The following TBC1D22A variants were observed in gnomAD, a reference collection of about 807,000 sequenced individuals.
TBC1D22A encodes the protein putative GTPase activator.
In TBC1D22A, 38 loss-of-function variants were observed where a neutral mutation model predicts 60.2. That is an observed-to-expected ratio of 0.63 (90% CI 0.49 to 0.83). TBC1D22A has a LOEUF of 0.83. Among genes scored for constraint, TBC1D22A ranks in the 40% least tolerant of loss-of-function variants. The probability of loss-of-function intolerance (pLI) is 0.00; values close to 1 mark genes in which losing one functional copy is unlikely to be tolerated. For missense variants in TBC1D22A, 628 were observed against 701.0 expected, an observed-to-expected ratio of 0.90 and a Z score of 1.18; for synonymous variants, 302 against 281.7, an observed-to-expected ratio of 1.07 and a Z score of -0.72.
intron 12 of TBC1D22A, among the ~76,000 whole-genome samples, chr22:47,167,578 C>T (rs1034604883): frequency 6.6e-6 from 1 of 152,144 alleles, no homozygotes; most frequent in Non-Finnish European, 1.5e-5. Context: ...GAATAAGGTA[C>T]GTGGACGCCA....
chr22:46,807,416 C>T (rs2085196136), intron 4 of TBC1D22A, among the ~76,000 whole-genome samples: 1 of 152,094 alleles, frequency 6.6e-6, no homozygotes, highest in Non-Finnish European at 1.5e-5. Flanking sequence ...GCTCTGAGGC[C>T]CCAGTGCTGC....
At chr22:47,046,447 C>A (rs1183109001) in intron 11 of TBC1D22A, among the ~76,000 whole-genome samples, 3 of 152,154 alleles carry the variant, frequency 2.0e-5, no homozygotes, top group Non-Finnish European at 4.4e-5. Context: ...GGGATTTGTG[C>A]TGGGGGAGCG....
chr22:46,804,982 A>T (rs1343320017), intron 4 of TBC1D22A, among the ~76,000 whole-genome samples: 1 of 152,082 alleles, frequency 6.6e-6, no homozygotes, highest in Non-Finnish European at 1.5e-5. Context: ...TATGTGAGGG[A>T]TAGGAGAAGG....
intron 9 of TBC1D22A, among the ~76,000 whole-genome samples, chr22:46,992,005 G>A (rs1016395751): frequency 9.2e-5 from 14 of 152,204 alleles, no homozygotes; most frequent in Non-Finnish European, 1.6e-4. Context: ...CCAGGTCCTC[G>A]TTAGCAGTCA....
chr22:47,121,422 T>C (rs181986510), intron 12 of TBC1D22A, among the ~76,000 whole-genome samples: 1 of 152,350 alleles, frequency 6.6e-6, no homozygotes, highest in African/African-American at 2.4e-5. Context: ...CGGGGTACAG[T>C]TACCTAAGTT....
intron 5 of TBC1D22A, among the ~76,000 whole-genome samples, chr22:46,882,495 A>G (rs2067901249): frequency 6.6e-6 from 1 of 152,164 alleles, no homozygotes; most frequent in Admixed American, 6.5e-5. Flanking sequence ...GAAGCAGGTC[A>G]TTGAAAGTTA....
At chr22:47,051,116 AGG>A (rs34174630) in intron 11 of TBC1D22A, among the ~76,000 whole-genome samples, 65,715 of 151,790 alleles carry the variant, frequency 0.43, 16,908 homozygotes, top group African/African-American at 0.72. Flanking sequence ...GGGTCATTGC[AGG>A]GGGACCTCTC....
Position 46,777,540 on chromosome 22 carries a change from G to C in TBC1D22A, c.62+14692G>C, listed in dbSNP as rs939186552. Among the ~76,000 whole-genome samples the C allele has an allele frequency of 3.9e-5, 6 of 152,138 alleles. No individual in the cohort carries two copies. The highest frequency in any genetic ancestry group is 1.2e-4 in the African/African-American group (5 of 41,416). On this transcript the variant is annotated intron_variant, in intron 1 of 12. Coordinates refer to ENST00000337137, the MANE Select transcript of TBC1D22A (RefSeq NM_014346.5). This position sits in a 1 kb window ranked among gnomAD's most constrained non-coding sequence, Gnocchi z 4.5. ...GGTGGAGGAGGTCAGGAGAGAGCATGATTTTTCATAAGAGAAGGAAGGAGG... is the reference window on the plus strand; with the variant it reads ...GGTGGAGGAGGTCAGGAGAGAGCATCATTTTTCATAAGAGAAGGAAGGAGG...
At chr22:46,816,219 C>A (rs960684367) in intron 4 of TBC1D22A, among the ~76,000 whole-genome samples, 3 of 152,184 alleles carry the variant, frequency 2.0e-5, no homozygotes, top group Non-Finnish European at 4.4e-5. Flanking sequence ...TGAGCCTCCC[C>A]ACTGGAAGCT....
Position 47,062,087 on chromosome 22 carries a change from C to CAAA in TBC1D22A, c.1329+24908_1329+24910dup, listed in dbSNP as rs908701365. Among the ~76,000 whole-genome samples the CAAA allele has an allele frequency of 7.3e-3, 462 of 62,948 alleles. 36 individuals are homozygous for CAAA. Among genetic ancestry groups the CAAA allele is most frequent in the African/African-American group, 0.027 (371 of 13,798 alleles). The allele number at this position is 62,948 out of a possible 152,430, so 41.3% of individuals were successfully genotyped here. On this transcript the variant is annotated intron_variant, in intron 11 of 12. Transcript: ENST00000337137. ...TGGGCGACAGAGCAAGACTCCATCT[C>CAAA]AAAAAAAAAAAAAAAAAAAAAGACA...
chr22:46,851,459 C>A (rs550559726), intron 4 of TBC1D22A, among the ~76,000 whole-genome samples: 1 of 152,212 alleles, frequency 6.6e-6, no homozygotes, highest in Non-Finnish European at 1.5e-5. Context: ...TGCCTGTGCC[C>A]GAGAGCCTGC....
At chr22:47,154,440 C>CG (rs2067632618) in intron 12 of TBC1D22A, among the ~76,000 whole-genome samples, 1 of 152,224 alleles carries the variant, frequency 6.6e-6, no homozygotes, top group African/African-American at 2.4e-5. Context: ...AAATGCCCCC[C>CG]CGCTTGAAAT....
chr22:46,987,716 G>C (rs1053363733), intron 9 of TBC1D22A, among the ~76,000 whole-genome samples: 4 of 152,206 alleles, frequency 2.6e-5, no homozygotes, highest in Admixed American at 2.6e-4. Flanking sequence ...CCCAGCGGAG[G>C]GTGTTTTCTC....
chr22:46,980,297 C>G (rs548495647), intron 9 of TBC1D22A, among the ~76,000 whole-genome samples: 2 of 152,310 alleles, frequency 1.3e-5, no homozygotes, highest in African/African-American at 4.8e-5. Context: ...ATTCTCCTGT[C>G]TCAGCCTCCT....
At chr22:47,088,634 A>T (rs970297804) in intron 11 of TBC1D22A, among the ~76,000 whole-genome samples, 2 of 152,228 alleles carry the variant, frequency 1.3e-5, no homozygotes, top group African/African-American at 4.8e-5. Flanking sequence ...CTTATGGAAG[A>T]ACTGTGGCTG....
intron 11 of TBC1D22A, among the ~76,000 whole-genome samples, chr22:47,091,158 G>C (rs577257727): frequency 7.7e-6 from 1 of 130,410 alleles, no homozygotes; most frequent in Admixed American, 7.8e-5. Context: ...TGATAGAGAC[G>C]GGCACGAGAA....
At chr22:46,937,694 T>C (rs2147923796) in intron 8 of TBC1D22A, among the ~76,000 whole-genome samples, 1 of 152,302 alleles carries the variant, frequency 6.6e-6, no homozygotes, top group African/African-American at 2.4e-5. Flanking sequence ...GCTCCCTGTG[T>C]GCTGTTGTCC....
At chr22:47,167,368 T>C (rs1264963432) in intron 12 of TBC1D22A, among the ~76,000 whole-genome samples, 1 of 152,216 alleles carries the variant, frequency 6.6e-6, no homozygotes, top group African/African-American at 2.4e-5. Flanking sequence ...AAGGGAGTTA[T>C]TATTTTTCTG....
chr22:46,906,541 G>A (rs1107133), intron 7 of TBC1D22A, among the ~76,000 whole-genome samples: 61,932 of 151,802 alleles, frequency 0.41, 15,418 homozygotes, highest in African/African-American at 0.68. Flanking sequence ...CTGATGGCAG[G>A]CGCGGGAGCA....
Sources: allele counts gnomAD v4.1 joint callset (sites outside exome capture counted in the v4.1 genomes callset), GRCh38; gene constraint gnomAD v4.1.1; non-coding constraint Gnocchi (gnomAD v3.1); transcripts MANE v1.5; gene names NCBI Gene and HGNC (gene_info 2026-07-23, HGNC 2026-07-21).